Variants in ADGRG6 observed in about 807,000 individuals in gnomAD.
ADGRG6 encodes adhesion G protein-coupled receptor G6.
ADGRG6 carries 84 observed loss-of-function variants against 142.4 expected under a neutral mutation model. The observed-to-expected ratio is 0.59, with a 90% CI of 0.49 to 0.71. The LOEUF is 0.71. Ranked by LOEUF, ADGRG6 falls within the 30% of genes least tolerant of loss-of-function variation. The pLI is 0.00. For synonymous variants in ADGRG6, 521 were observed against 520.5 expected, an observed-to-expected ratio of 1.00 and a Z score of -0.01; for missense variants, 1,367 against 1,466.6, an observed-to-expected ratio of 0.93 and a Z score of 1.11.
At position 142,393,886 on chromosome 6, in the gene ADGRG6, G is replaced by C; in HGVS notation, c.1362-10G>C. On this transcript the variant is annotated splice_polypyrimidine_tract_variant and intron_variant, in intron 8 of 24. Coordinates refer to ENST00000367609, the MANE Select transcript of ADGRG6 (RefSeq NM_198569.3). Reference sequence around the variant, plus strand: ...GGTGGATTAATGAATATATGTATTTGTGTTTTTAGTTTTCACCTGAGTGCT... The same window carrying C: ...GGTGGATTAATGAATATATGTATTTCTGTTTTTAGTTTTCACCTGAGTGCT... 2.0e-6 allele frequency: 3 copies of C among 1,518,566 alleles called. No homozygotes were observed. The highest frequency in any genetic ancestry group is 2.7e-6 in the Non-Finnish European group (3 of 1,115,310). 94.1% of individuals were successfully genotyped at this position (1,518,566 alleles called of 1,614,324 possible).
chr6:142,343,900 C>T (rs1403895957), intron 2 of ADGRG6, among the ~76,000 whole-genome samples: 1 of 151,866 alleles, frequency 6.6e-6, no homozygotes, highest in African/African-American at 2.4e-5. Context: ...ACTTAGAAAA[C>T]TCCGTAGTAT....
intron 1 of ADGRG6, among the ~76,000 whole-genome samples, chr6:142,307,663 G>T (rs1777570018): frequency 6.6e-6 from 1 of 152,012 alleles, no homozygotes; most frequent in Non-Finnish European, 1.5e-5. Flanking sequence ...GCACCAGGAG[G>T]TAAGTTGTTG....
chr6:142,401,672 A>G (rs1583097442), intron 11 of ADGRG6, among the ~76,000 whole-genome samples: 1 of 152,152 alleles, frequency 6.6e-6, no homozygotes, highest in African/African-American at 2.4e-5. Context: ...AATAGTGCAA[A>G]TGGAGAAACA....
chr6:142,427,927 C>T (rs1241515982), intron 22 of ADGRG6, among the ~76,000 whole-genome samples: 81 of 152,162 alleles, frequency 5.3e-4, no homozygotes, highest in Admixed American at 5.3e-3. Context: ...TACCAGGTTC[C>T]TCTCACGGTG....
At position 142,338,027 on chromosome 6, in the gene ADGRG6, T is replaced by TTTTTTTTTTTTTTTTTTTTTTTTTTTG. The variant is rs892007926; in HGVS notation, c.103+28394_103+28395insTTTTTTTTTTTTTTTGTTTTTTTTTTT. ...ATGCCTTGTATCTTTGTTTTTTTTT[T>TTTTTTTTTTTTTTTTTTTTTTTTTTTG]TTTTTTTTTTTGAGACGGAGTCTCG... On this transcript the variant is annotated intron_variant, in intron 2 of 24. Coordinates refer to ENST00000367609, the MANE Select transcript of ADGRG6 (RefSeq NM_198569.3). 3.6e-3 allele frequency among the ~76,000 whole-genome samples: 211 copies of TTTTTTTTTTTTTTTTTTTTTTTTTTTG among 58,004 alleles called. 3 individuals are homozygous for TTTTTTTTTTTTTTTTTTTTTTTTTTTG. The highest frequency in any genetic ancestry group is 5.4e-3 in the East Asian group (9 of 1,668). 38.1% of individuals were successfully genotyped at this position (58,004 alleles called of 152,430 possible).
intron 2 of ADGRG6, among the ~76,000 whole-genome samples, chr6:142,360,549 AC>A (rs1225526132): frequency 6.6e-6 from 1 of 152,160 alleles, no homozygotes; most frequent in African/African-American, 2.4e-5. Context: ...AACAGCTCCT[AC>A]CCTTCATTAC....
At chr6:142,394,820 C>G (rs542947453) in intron 9 of ADGRG6, among the ~76,000 whole-genome samples, 46 of 151,274 alleles carry the variant, frequency 3.0e-4, no homozygotes, top group African/African-American at 1.1e-3. Context: ...CTCCTGGCCT[C>G]AAGTAAACCT....
intron 9 of ADGRG6, among the ~76,000 whole-genome samples, chr6:142,396,408 G>A (rs559974996): frequency 6.6e-6 from 1 of 152,220 alleles, no homozygotes; most frequent in East Asian, 1.9e-4. Flanking sequence ...GAGAAGAGTA[G>A]AGCACCTATT....
At chr6:142,351,836 G>A (rs899971161) in intron 2 of ADGRG6, among the ~76,000 whole-genome samples, 7 of 152,142 alleles carry the variant, frequency 4.6e-5, no homozygotes, top group African/African-American at 1.4e-4. Context: ...GAACTTGAAC[G>A]GATTGGCAAG....
chr6:142,427,718 G>A (rs1582678424), intron 22 of ADGRG6, among the ~76,000 whole-genome samples: 1 of 152,174 alleles, frequency 6.6e-6, no homozygotes, highest in East Asian at 1.9e-4. Flanking sequence ...TGCACTTACA[G>A]TTCCATGTGA....
At chr6:142,371,998 T>A (rs1454210895) in intron 4 of ADGRG6, among the ~76,000 whole-genome samples, 3 of 152,232 alleles carry the variant, frequency 2.0e-5, no homozygotes, top group East Asian at 1.9e-4. Flanking sequence ...CCATTTTTTT[T>A]AAAATGAGGA....
chr6:142,340,210 C>A (rs1186665119), intron 2 of ADGRG6, among the ~76,000 whole-genome samples: 2 of 152,114 alleles, frequency 1.3e-5, no homozygotes, highest in African/African-American at 4.8e-5. Context: ...GACTTACCAA[C>A]AACTGCTGCA....
chr6:142,393,443 T>C (rs2114982527), intron 8 of ADGRG6, among the ~76,000 whole-genome samples: 1 of 152,232 alleles, frequency 6.6e-6, no homozygotes, highest in South Asian at 2.1e-4. Flanking sequence ...ACTGTATTTA[T>C]ATTTAAATCC....
Position 142,328,812 on chromosome 6 carries a change from C to T in ADGRG6, c.103+19168C>T, listed in dbSNP as rs1321735252. 5.3e-5 allele frequency among the ~76,000 whole-genome samples: 8 copies of T among 152,010 alleles called. No individual in the cohort carries two copies. In the South Asian group the frequency reaches 6.2e-4, roughly 12 times the overall value. ...TTTGCCCAAGCTTTCCAGGTGATTT[C>T]GATGTTAGCTAAAATTGGACTGTTT... On this transcript the variant is annotated intron_variant, in intron 2 of 24. Coordinates refer to ENST00000367609, the MANE Select transcript of ADGRG6 (RefSeq NM_198569.3).
At position 142,438,289 on chromosome 6, in the gene ADGRG6, G is replaced by T. The variant is rs1368848974; in HGVS notation, c.3499G>T (p.Gly1167Cys). The change falls in exon 24 of 25, where the codon GGT becomes TGT. Residue 1167 changes from glycine to cysteine, a missense_variant. By Grantham distance (159) the Gly-to-Cys change is radical. Coordinates refer to ENST00000367609, the MANE Select transcript of ADGRG6 (RefSeq NM_198569.3). ...AAAATCTTTGTCTTCAAGCTCCATT[G>T]GTTCCAACTCAACCTATCTTACATC... is the stretch of plus-strand genomic sequence containing the variant. ...LGKSLSSSSIGSNSTYLTSKS... is the reference protein window; with the variant it reads ...LGKSLSSSSICSNSTYLTSKS... 3 of 1,604,568 alleles carry T rather than the reference G, an allele frequency of 1.9e-6. No individual in the cohort carries two copies. The highest frequency in any genetic ancestry group is 2.6e-6 in the Non-Finnish European group (3 of 1,173,430).
intron 3 of ADGRG6, among the ~76,000 whole-genome samples, chr6:142,368,227 G>A (rs1007248503): frequency 2.6e-5 from 4 of 152,156 alleles, no homozygotes; most frequent in Middle Eastern, 3.2e-3. Flanking sequence ...TCTCTCCACT[G>A]AAAATTTAAA....
rs1483780060 is a variant in ADGRG6 at position 142,443,721 on chromosome 6, T to G, written c.*206T>G. On this transcript the variant is annotated 3_prime_UTR_variant, in exon 25 of 25. Coordinates refer to ENST00000367609, the MANE Select transcript of ADGRG6 (RefSeq NM_198569.3). The stretch of plus-strand genomic sequence containing the variant: ...AGAGTTGTCATCACTAAAACTTCAG[T>G]ACTGAGAGTAACATGACTCAGTAGC... The G allele has an allele frequency of 8.8e-6, 4 of 453,870 alleles. No homozygotes were observed. Among genetic ancestry groups the G allele is most frequent in the African/African-American group, 8.1e-5 (4 of 49,418 alleles). The allele number at this position is 453,870 out of a possible 1,614,324, so 28.1% of individuals were successfully genotyped here.
intron 22 of ADGRG6, among the ~76,000 whole-genome samples, chr6:142,429,006 A>G (rs1777087730): frequency 6.6e-6 from 1 of 152,122 alleles, no homozygotes; most frequent in African/African-American, 2.4e-5. Context: ...ATATCACTGT[A>G]TTGAAATTTT....
intron 2 of ADGRG6, among the ~76,000 whole-genome samples, chr6:142,341,568 A>G (rs1562324003): frequency 8.1e-6 from 1 of 122,872 alleles, no homozygotes; most frequent in Non-Finnish European, 1.6e-5. Flanking sequence ...ATACTATATA[A>G]TATTATGTAG....
Sources: allele counts gnomAD v4.1 joint callset (sites outside exome capture counted in the v4.1 genomes callset), GRCh38; gene constraint gnomAD v4.1.1; transcripts MANE v1.5; gene names NCBI Gene and HGNC (gene_info 2026-07-23, HGNC 2026-07-21).